The following RYR2 variants were observed in gnomAD, a reference collection of about 807,000 sequenced individuals.
RYR2 encodes ryanodine receptor 2, also known as cardiac muscle ryanodine receptor-calcium release channel.
A neutral mutation model predicts 601.1 loss-of-function variants in RYR2; 227 were observed. The observed-to-expected ratio is 0.38, with a 90% confidence interval of 0.34 to 0.42. The LOEUF (loss-of-function observed/expected upper bound fraction) is 0.42. RYR2 is among the 10% of genes least tolerant of loss of function. RYR2 has a pLI of 1.00. For synonymous variants in RYR2, 2,223 were observed against 2,175.1 expected (o/e 1.02, Z -0.61); for missense variants, 4,646 against 6,156.5 (o/e 0.75, Z 8.21).
At chr1:237,166,041 T>A (rs940829630) in intron 1 of RYR2, among the ~76,000 whole-genome samples, 12 of 152,072 alleles carry the variant, frequency 7.9e-5, no homozygotes, top group Non-Finnish European at 1.6e-4. Context: ...CCACAAAAAC[T>A]TTAAAGTGAA....
chr1:237,709,335 A>AT, intron 69 of RYR2, 145 bp from the exon 70 acceptor site: 2 of 681,234 alleles, frequency 2.9e-6, no homozygotes, highest in Admixed American at 2.9e-5. Context: ...ATGATGTTTA[A>AT]ATTTTTTTTT....
At chr1:237,122,506 A>T (rs529035972) in intron 1 of RYR2, among the ~76,000 whole-genome samples, 1 of 152,170 alleles carries the variant, frequency 6.6e-6, no homozygotes, top group African/African-American at 2.4e-5. Context: ...ACATGGTGAA[A>T]CCCCGTTTCT....
At chr1:237,057,383 C>T (rs909167090) in intron 1 of RYR2, among the ~76,000 whole-genome samples, 4 of 151,996 alleles carry the variant, frequency 2.6e-5, no homozygotes, top group Non-Finnish European at 4.4e-5. Context: ...GATGGGGTTT[C>T]GCCACGTTAG....
At chr1:237,700,515 C>G (rs1389556059) in intron 65 of RYR2, 48 bp downstream of exon 65, 5 of 897,384 alleles carry the variant, frequency 5.6e-6, no homozygotes, top group East Asian at 5.3e-5. Context: ...ATCGAAATAC[C>G]CTGTAGTACA....
intron 3 of RYR2, among the ~76,000 whole-genome samples, chr1:237,353,884 G>A (rs115120431): frequency 0.01 from 1,557 of 152,116 alleles, 28 homozygotes; most frequent in African/African-American, 0.035. Context: ...TTGTAATTGC[G>A]TAAATTCTAA....
At chr1:237,235,088 G>A (rs1685425870) in intron 1 of RYR2, among the ~76,000 whole-genome samples, 1 of 152,166 alleles carries the variant, frequency 6.6e-6, no homozygotes, top group Admixed American at 6.5e-5. Flanking sequence ...CTGACTGATT[G>A]TTGAAGGAGT....
At chr1:237,752,629 A>G (rs1428262413) in intron 80 of RYR2, among the ~76,000 whole-genome samples, 1 of 152,324 alleles carries the variant, frequency 6.6e-6, no homozygotes, top group East Asian at 1.9e-4. Context: ...GTTGTCTCTT[A>G]TCCATACTTT....
Position 237,613,193 on chromosome 1 carries a change from G to A in RYR2, c.4911-846G>A, listed in dbSNP as rs76294762. ...TCATTAATATTTTAAAGTGTGCAAT[G>A]GTGGTAGATTTATGTCAGTGTGTAC... On this transcript the variant is annotated intron_variant, in intron 36 of 104. Transcript: ENST00000366574. Among the ~76,000 whole-genome samples, 44 of 152,288 alleles carry A rather than the reference G, an allele frequency of 2.9e-4. 1 individual carries two copies. The East Asian group carries it at 7.7e-3, about 27-fold the overall frequency.
At chr1:237,069,490 C>G (rs1321095251) in intron 1 of RYR2, among the ~76,000 whole-genome samples, 1 of 151,958 alleles carries the variant, frequency 6.6e-6, no homozygotes, top group Non-Finnish European at 1.5e-5. Flanking sequence ...ATTATTAATG[C>G]CTGTCATCCA....
At chr1:237,536,747 A>C (rs372416956) in intron 25 of RYR2, among the ~76,000 whole-genome samples, 2 of 100,358 alleles carry the variant, frequency 2.0e-5, no homozygotes, top group South Asian at 3.3e-4. Flanking sequence ...TTAGCCGGGC[A>C]TGGTGGCAGG....
intron 2 of RYR2, among the ~76,000 whole-genome samples, chr1:237,317,544 C>T (rs1695228491): frequency 6.6e-6 from 1 of 151,944 alleles, no homozygotes; most frequent in African/African-American, 2.4e-5. Flanking sequence ...ATGTTGCATC[C>T]CTGCTACACT....
chr1:237,496,591 A>G lies in RYR2; in HGVS notation c.2042A>G (p.His681Arg), dbSNP rs1344581490. Reference sequence around the variant, plus strand: ...TGGTACTATGAATTGATGGTGGACCACACAGAGCCCTTTGTGACAGCTGAA... The same window carrying G: ...TGGTACTATGAATTGATGGTGGACCGCACAGAGCCCTTTGTGACAGCTGAA... ...KKWYYELMVD[H>R]TEPFVTAEAT... The change falls in exon 20 of 105, where the codon CAC (histidine) becomes CGC (arginine). Residue 681 changes from histidine (H) to arginine (R), a missense_variant. This residue lies in a region of RYR2 where 1,807 missense variants were observed against 2,088.1 expected (regional missense o/e 0.87). Transcript: ENST00000366574. 6.2e-7 allele frequency: 1 copy of G among 1,614,018 alleles called. No homozygotes were observed. The highest frequency in any genetic ancestry group is 8.5e-7 in the Non-Finnish European group (1 of 1,179,904).
At chr1:237,447,841 T>A (rs1657567383) in intron 14 of RYR2, among the ~76,000 whole-genome samples, 1 of 144,974 alleles carries the variant, frequency 6.9e-6, no homozygotes, top group South Asian at 2.4e-4. Context: ...CCCTCCCTCT[T>A]TCCCCTCCCT....
chr1:237,252,992 C>A (rs1161803891), intron 1 of RYR2, among the ~76,000 whole-genome samples: 1 of 151,944 alleles, frequency 6.6e-6, no homozygotes, highest in Admixed American at 6.6e-5. Flanking sequence ...TTATGAAACT[C>A]CATCTCTACT....
intron 20 of RYR2, 65 bp downstream of exon 20, chr1:237,496,817 T>G (rs540247487): frequency 6.5e-7 from 1 of 1,548,616 alleles, no homozygotes; most frequent in African/African-American, 1.4e-5. Flanking sequence ...TTCTGAAAGC[T>G]ATTGGTGCTG....
chr1:237,541,995 G>T (rs996883104), intron 25 of RYR2, among the ~76,000 whole-genome samples: 1 of 152,170 alleles, frequency 6.6e-6, no homozygotes, highest in Non-Finnish European at 1.5e-5. Flanking sequence ...CAGGGGATGC[G>T]ATGGCTTGGC....
intron 79 of RYR2, 81 bp downstream of exon 79, chr1:237,733,837 T>A (rs1003485751): frequency 2.3e-4 from 221 of 966,526 alleles, no homozygotes; most frequent in South Asian, 1.2e-4. Flanking sequence ...TAAGAATCTG[T>A]GTATTTCATT....
chr1:237,130,762 G>A lies in RYR2; in HGVS notation c.48+88193G>A, dbSNP rs1672079720. Reference sequence around the variant, plus strand: ...CTAAGGTGATCCTGGATTATGATCAGGCATCTAGCAGAAGTAAATGTTAAT... The same window carrying A: ...CTAAGGTGATCCTGGATTATGATCAAGCATCTAGCAGAAGTAAATGTTAAT... On this transcript the variant is annotated intron_variant, in intron 1 of 104. Transcript: ENST00000366574. 7.2e-5 allele frequency among the ~76,000 whole-genome samples: 11 copies of A among 152,156 alleles called. No homozygotes were observed. The South Asian group carries it at 2.1e-3, about 29-fold the overall frequency.
At chr1:237,101,852 TTAAG>T (rs1212398059) in intron 1 of RYR2, among the ~76,000 whole-genome samples, 1 of 152,218 alleles carries the variant, frequency 6.6e-6, no homozygotes, top group Non-Finnish European at 1.5e-5. Context: ...TTACTATTTA[TTAAG>T]TATTTCTTCC....
Sources: gnomAD v4.1 joint callset for allele counts (sites outside exome capture counted in the v4.1 genomes callset) on GRCh38, gnomAD v4.1.1 for gene constraint, gnomAD v4.1.1 regional missense constraint, MANE v1.5 for transcripts, NCBI Gene and HGNC (gene_info 2026-07-23, HGNC 2026-07-21) for gene names.